The following MAP1S variants were observed in gnomAD, a reference collection of about 807,000 sequenced individuals.
MAP1S encodes microtubule associated protein 1S, also known as microtubule-associated protein 1S.
A neutral mutation model predicts 60.9 loss-of-function variants in MAP1S; 27 were observed. The ratio of observed to expected loss-of-function variants is 0.44; its 90% CI spans 0.33 to 0.61. MAP1S has a LOEUF of 0.61. Among genes scored for constraint, MAP1S ranks in the 20% least tolerant of loss-of-function variants. The probability of loss-of-function intolerance (pLI) is 0.03; values close to 1 mark genes in which losing one functional copy is unlikely to be tolerated. For synonymous variants in MAP1S, 826 were observed against 694.2 expected (o/e 1.19, Z -2.98); for missense variants, 1,608 against 1,486.6 (o/e 1.08, Z -1.34).
chr19:17,730,249 T>C (rs2080481379), intron 5 of MAP1S, among the ~76,000 whole-genome samples: 1 of 152,242 alleles, frequency 6.6e-6, no homozygotes, highest in African/African-American at 2.4e-5. Flanking sequence ...CATCTTTTCA[T>C]ATGCCTATTG....
Position 17,727,561 on chromosome 19 carries a change from C to T in MAP1S, c.2177C>T (p.Ala726Val), listed in dbSNP as rs752197845. 2.9e-5 allele frequency: 46 copies of T among 1,607,320 alleles called. No individual in the cohort carries two copies. The Admixed American group carries it at 3.8e-4, about 13-fold the overall frequency. ...GLSLPLRGPR[A>V]RRSASPHDVD... is the part of the protein sequence containing the mutation. Reference sequence around the variant, plus strand: ...AGCCTCCCGCTGCGTGGCCCCCGGGCGCGGCGCTCGGCTTCCCCACACGAT... The same window carrying T: ...AGCCTCCCGCTGCGTGGCCCCCGGGTGCGGCGCTCGGCTTCCCCACACGAT... The change falls in exon 5 of 7, where the codon GCG (alanine) becomes GTG (valine). Residue 726 changes from alanine (A) to valine (V), a missense_variant. Transcript: ENST00000324096. This position sits in a 1 kb window ranked among gnomAD's most constrained non-coding sequence, Gnocchi z 4.1.
chr19:17,731,790 C>T (rs1378009273), intron 5 of MAP1S, among the ~76,000 whole-genome samples: 1 of 152,178 alleles, frequency 6.6e-6, no homozygotes, highest in African/African-American at 2.4e-5. Flanking sequence ...CTCTGCCTCC[C>T]GAGTAGCTGG....
At position 17,726,128 on chromosome 19, in the gene MAP1S, A is replaced by C. The variant is rs1165343255; in HGVS notation, c.744A>C (p.Gly248=). ...GGCCCTGCTGCTACATCTTCCCTGG[A>C]GGCCTCGGGGATGCCGCCTTCTTCG... The part of the protein sequence containing the change: ...LGRPCCYIFP[G]GLGDAAFFAV... Residue 248 remains glycine, a synonymous_variant, in exon 5 of 7, where the codon GGA becomes GGC. Coordinates refer to ENST00000324096, the MANE Select transcript of MAP1S (RefSeq NM_018174.6). 5.0e-6 allele frequency: 8 copies of C among 1,613,876 alleles called. No homozygotes were observed. The highest frequency in any genetic ancestry group is 6.8e-6 in the Non-Finnish European group (8 of 1,179,930).
Position 17,726,362 on chromosome 19 carries a change from G to A in MAP1S, c.978G>A (p.Leu326=). 4 of 1,598,218 alleles carry A rather than the reference G, an allele frequency of 2.5e-6. No homozygotes were observed. Among genetic ancestry groups the A allele is most frequent in the Non-Finnish European group, 3.4e-6 (4 of 1,177,854 alleles). ...GTGGGGGCTCCTGGGACGACAGGCTGCGCAGGCTCATCTCCCCCAACCTGG... is the reference window on the plus strand; with the variant it reads ...GTGGGGGCTCCTGGGACGACAGGCTACGCAGGCTCATCTCCCCCAACCTGG... ...AAGGGSWDDR[L]RRLISPNLGV... Residue 326 remains leucine (L), a synonymous_variant, in exon 5 of 7, where the codon CTG becomes CTA. Transcript: ENST00000324096.
chr19:17,733,555 T>C, intron 6 of MAP1S, 127 bp downstream of exon 6: 5 of 725,448 alleles, frequency 6.9e-6, no homozygotes, highest in Non-Finnish European at 1.1e-5. Flanking sequence ...TGTGGGAGTC[T>C]CACATGGCTC....
intron 5 of MAP1S, among the ~76,000 whole-genome samples, chr19:17,730,637 G>C (rs1368332317): frequency 6.6e-6 from 1 of 152,158 alleles, no homozygotes; most frequent in Non-Finnish European, 1.5e-5. Context: ...TTTTTAAATT[G>C]AGTTGTTTTC....
chr19:17,726,544 A>G lies in MAP1S; in HGVS notation c.1160A>G (p.Lys387Arg). ...VPAKPTVLFE[K>R]MGVGRLDMYV... ...GCCAAACCCACCGTGCTCTTCGAGA[A>G]GATGGGCGTGGGCCGGCTGGACATG... The change falls in exon 5 of 7, where the codon AAG becomes AGG. Residue 387 changes from lysine to arginine, a missense_variant. Around this residue, in one of 4 missense-constraint regions of MAP1S, gnomAD observed 1,167 missense variants for 961.4 expected, o/e 1.21. Coordinates refer to ENST00000324096, the MANE Select transcript of MAP1S (RefSeq NM_018174.6). The G allele has an allele frequency of 6.4e-7, 1 of 1,573,196 alleles. No homozygotes were observed. The highest frequency in any genetic ancestry group is 1.1e-5 in the South Asian group (1 of 86,966).
intron 5 of MAP1S, 186 bp from the exon 6 acceptor site, chr19:17,733,007 C>T (rs538892577): frequency 2.7e-5 from 15 of 563,576 alleles, no homozygotes; most frequent in South Asian, 9.3e-5. Context: ...GGCAGCATAG[C>T]GAGACCCCAT....
In MAP1S at chr19:17,733,316, T is replaced by G; in HGVS notation, c.2912T>G (p.Val971Gly). Residue 971 changes from valine to glycine, a missense_variant, in exon 6 of 7, where the codon GTG becomes GGG. This residue lies in a region of MAP1S where 1,167 missense variants were observed against 961.4 expected (regional missense o/e 1.21). Coordinates refer to ENST00000324096, the MANE Select transcript of MAP1S (RefSeq NM_018174.6). ...GTGGATGAGGAGTTCTTCCAGCGCG[T>G]GCGCGCGCTCTGCTACGTCATCAGT... The part of the protein sequence containing the change: ...HLVDEEFFQR[V>G]RALCYVISGQ... The G allele has an allele frequency of 1.2e-6, 2 of 1,603,802 alleles. No homozygotes were observed. Among genetic ancestry groups the G allele is most frequent in the Non-Finnish European group, 1.7e-6 (2 of 1,176,242 alleles).
At chr19:17,724,310 T>A in intron 3 of MAP1S, 102 bp downstream of exon 3, 2 of 918,264 alleles carry the variant, frequency 2.2e-6, no homozygotes, top group South Asian at 1.4e-5. Context: ...CCAGATCCTC[T>A]CAAGACACCC....
Position 17,726,377 on chromosome 19 carries a change from C to G in MAP1S, c.993C>G (p.Ser331=). 1 of 1,596,036 alleles carries G rather than the reference C, an allele frequency of 6.3e-7. No individual in the cohort carries two copies. The highest frequency in any genetic ancestry group is 1.3e-5 in the African/African-American group (1 of 74,970). Residue 331 remains serine (S), a synonymous_variant, in exon 5 of 7, where the codon TCC becomes TCG. Coordinates refer to ENST00000324096, the MANE Select transcript of MAP1S (RefSeq NM_018174.6). ...ACGACAGGCTGCGCAGGCTCATCTC[C>G]CCCAACCTGGGGGTCGTGTTCTTCA... ...SWDDRLRRLI[S]PNLGVVFFNA...
At chr19:17,724,669 C>T (rs2080401304) in intron 3 of MAP1S, among the ~76,000 whole-genome samples, 1 of 152,198 alleles carries the variant, frequency 6.6e-6, no homozygotes, top group South Asian at 2.1e-4. Flanking sequence ...TTCCTTGGAT[C>T]AACTTTTCCC....
At chr19:17,721,712 G>A (rs2080372483) in intron 2 of MAP1S, among the ~76,000 whole-genome samples, 1 of 152,160 alleles carries the variant, frequency 6.6e-6, no homozygotes, top group Admixed American at 6.5e-5. Flanking sequence ...CATCTGGAAG[G>A]TGGAGGGGCA....
chr19:17,727,864 C>A lies in MAP1S; in HGVS notation c.2480C>A (p.Pro827His). ...CCTCGCCACGACCCTTTGCCTGACC[C>A]CCTCAAGGTCCCCCCACCACTGCCT... The part of the protein sequence containing the change: ...GVPRHDPLPD[P>H]LKVPPPLPDP... The change falls in exon 5 of 7, where the codon CCC becomes CAC. Residue 827 changes from proline (P) to histidine (H), a missense_variant. This residue lies in a region of MAP1S where 1,167 missense variants were observed against 961.4 expected (regional missense o/e 1.21). Coordinates refer to ENST00000324096, the MANE Select transcript of MAP1S (RefSeq NM_018174.6). This position sits in a 1 kb window ranked among gnomAD's most constrained non-coding sequence, Gnocchi z 4.1. The A allele has an allele frequency of 1.2e-6, 2 of 1,613,190 alleles. No individual in the cohort carries two copies. The highest frequency in any genetic ancestry group is 1.1e-5 in the South Asian group (1 of 91,064).
At chr19:17,734,048 T>C (rs572895180) in intron 6 of MAP1S, among the ~76,000 whole-genome samples, 8 of 152,284 alleles carry the variant, frequency 5.3e-5, no homozygotes, top group African/African-American at 1.7e-4. Flanking sequence ...CCGTCTCCTG[T>C]GTGCTGAGAA....
rs115381763 is a variant in MAP1S, at chr19:17,727,504, C to T, written c.2120C>T (p.Pro707Leu). ...SLSVSFEQVL[P>L]PSAPTSEAGL... ...TCGGTGTCCTTTGAGCAGGTGCTGC[C>T]GCCATCCGCCCCCACCAGTGAGGCT... The change falls in exon 5 of 7, where the codon CCG becomes CTG. Residue 707 changes from proline to leucine, a missense_variant. Around this residue, in one of 4 missense-constraint regions of MAP1S, gnomAD observed 1,167 missense variants for 961.4 expected, o/e 1.21. Coordinates refer to ENST00000324096, the MANE Select transcript of MAP1S (RefSeq NM_018174.6). The surrounding 1 kb of genome is among the most constrained non-coding windows in gnomAD (Gnocchi z 4.1). The T allele has an allele frequency of 3.5e-5, 57 of 1,610,906 alleles. 1 individual carries two copies. In the East Asian group the frequency reaches 1.1e-3, roughly 32 times the overall value.
At position 17,727,968 on chromosome 19, in the gene MAP1S, A is replaced by T; in HGVS notation, c.2584A>T (p.Thr862Ser). The T allele has an allele frequency of 6.2e-7, 1 of 1,605,244 alleles. No homozygotes were observed. The highest frequency in any genetic ancestry group is 8.5e-7 in the Non-Finnish European group (1 of 1,176,088). Residue 862 changes from threonine (T) to serine (S), a missense_variant, in exon 5 of 7, where the codon ACC (threonine) becomes TCC (serine). Coordinates refer to ENST00000324096, the MANE Select transcript of MAP1S (RefSeq NM_018174.6). The surrounding 1 kb of genome is among the most constrained non-coding windows in gnomAD (Gnocchi z 4.1). The part of the protein sequence containing the change: ...TARQTENVSR[T>S]RKPLARPNSR... The stretch of plus-strand genomic sequence containing the variant: ...ACGGCAAACGGAGAACGTCAGCCGC[A>T]CCCGGAAGCCCCTGGCCCGCCCCAA...
chr19:17,723,907 C>G (rs2080393418), intron 2 of MAP1S, among the ~76,000 whole-genome samples: 1 of 152,180 alleles, frequency 6.6e-6, no homozygotes, highest in South Asian at 2.1e-4. Flanking sequence ...CAGCTGCAAA[C>G]CAGGCCCTGC....
intron 1 of MAP1S, chr19:17,720,564 G>A: frequency 7.0e-7 from 1 of 1,428,868 alleles, no homozygotes; most frequent in South Asian, 1.5e-5. Context: ...GTGCTGAGGG[G>A]GAAGGGCCCC....
Sources: allele counts gnomAD v4.1 joint callset (sites outside exome capture counted in the v4.1 genomes callset), GRCh38; gene constraint gnomAD v4.1.1; regional missense constraint gnomAD v4.1.1; non-coding constraint Gnocchi (gnomAD v3.1); transcripts MANE v1.5; gene names NCBI Gene and HGNC (gene_info 2026-07-23, HGNC 2026-07-21).